The following SSR2 variants were observed in gnomAD, a reference collection of about 807,000 sequenced individuals.
SSR2 encodes signal sequence receptor subunit 2.
Under a neutral mutation model 22.6 loss-of-function variants are expected in SSR2, and 16 were observed. That is an observed-to-expected ratio of 0.71 (90% CI 0.48 to 1.08). The LOEUF is 1.08. Ranked by LOEUF, SSR2 falls within the 50% of genes least tolerant of loss-of-function variation. SSR2 has a pLI of 0.00. For synonymous variants in SSR2, 83 were observed against 91.2 expected (o/e 0.91, Z 0.51); for missense variants, 171 against 221.6 (o/e 0.77, Z 1.45).
chr1:156,019,911 TCCCAAAG>T, intron 2 of SSR2, 95 bp downstream of exon 2: 1 of 1,319,168 alleles, frequency 7.6e-7, no homozygotes, highest in South Asian at 1.5e-5. Flanking sequence ...GCTGGAAGTG[TCCCAAAG>T]AGAAACCACT....
chr1:156,017,683 C>A (rs1329630824), intron 3 of SSR2, among the ~76,000 whole-genome samples: 2 of 148,942 alleles, frequency 1.3e-5, no homozygotes, highest in Non-Finnish European at 3.0e-5. Context: ...ATACCTTTGT[C>A]CAGCCACAAA....
At chr1:156,020,309 A>C in intron 1 of SSR2, 142 bp from the exon 2 acceptor site, 9 of 791,564 alleles carry the variant, frequency 1.1e-5, no homozygotes, top group Non-Finnish European at 1.8e-5. Context: ...AAGCCACCAG[A>C]GCAGACCCGT....
rs774322271 is a variant in SSR2, at chr1:156,020,066, G to A, written c.102C>T (p.Ala34=). 4 of 1,614,036 alleles carry A rather than the reference G, an allele frequency of 2.5e-6. No homozygotes were observed. The highest frequency in any genetic ancestry group is 2.5e-6 in the Non-Finnish European group (3 of 1,180,006). The change falls in exon 2 of 6, where the codon GCC becomes GCT. Residue 34 remains alanine, a synonymous_variant. Transcript: ENST00000295702. ...GCAAGGTCAGGTCTCGTCCCTCCAC[G>A]GCGTATCTGTTCAGCAGTGATTTGG... The part of the protein sequence containing the change: ...LASKSLLNRY[A]VEGRDLTLQY...
intron 2 of SSR2, 42 bp from the exon 3 acceptor site, chr1:156,018,410 T>C (rs1231116247): frequency 6.4e-7 from 1 of 1,551,526 alleles, no homozygotes; most frequent in Admixed American, 1.7e-5. Flanking sequence ...AAGTAATGGA[T>C]ATAAAATTAA....
rs1683143383 is a variant in SSR2, at chr1:156,020,883, C to T, written c.-1+5G>A. 2.1e-6 allele frequency: 1 copy of T among 471,232 alleles called. No homozygotes were observed. The highest frequency in any genetic ancestry group is 6.9e-5 in the East Asian group (1 of 14,478). 29.2% of individuals were successfully genotyped at this position (471,232 alleles called of 1,614,324 possible). A position where few individuals can be genotyped will look rare whatever the true frequency, so the allele number is the denominator to read the frequency against. ...CGTTCGGACGCCCTAAGCCTCCGGA[C>T]TTACCGTTGGCATCCCAAACGCCTT... On this transcript the variant is annotated splice_donor_5th_base_variant and intron_variant, in intron 1 of 5. Coordinates refer to ENST00000295702, the MANE Select transcript of SSR2 (RefSeq NM_003145.4).
At chr1:156,012,081 G>A (rs1269135780) in intron 4 of SSR2, 194 bp from the exon 5 acceptor site, 1 of 508,698 alleles carries the variant, frequency 2.0e-6, no homozygotes, top group East Asian at 3.2e-5. Context: ...CTCTTAGTGT[G>A]TTATAAAGAG....
intron 3 of SSR2, 75 bp downstream of exon 3, chr1:156,018,195 G>A: frequency 9.0e-7 from 1 of 1,113,696 alleles, no homozygotes. Flanking sequence ...CAGCCTATTT[G>A]AAGTACCCCT....
At chr1:156,010,828 T>A (rs1682968328) in intron 5 of SSR2, 1 of 152,322 alleles carries the variant, frequency 6.6e-6, no homozygotes, top group Admixed American at 6.6e-5. Context: ...AATCACACCA[T>A]GCTTTTCTCA....
At position 156,020,366 on chromosome 1, in the gene SSR2, G is replaced by A. The variant is rs1217409623; in HGVS notation, c.1-199C>T. 4.1e-5 allele frequency: 23 copies of A among 565,058 alleles called. No individual in the cohort carries two copies. In the Admixed American group the frequency reaches 5.0e-4, roughly 12 times the overall value. The allele number at this position is 565,058 out of a possible 1,614,324, so 35.0% of individuals were successfully genotyped here. ...TTCACCCTGCAGCCCTCGAAAAACC[G>A]GTACAAGCACCAATATATCTACTGC... is the stretch of plus-strand genomic sequence containing the variant. On this transcript the variant is annotated intron_variant, in intron 1 of 5. Coordinates refer to ENST00000295702, the MANE Select transcript of SSR2 (RefSeq NM_003145.4).
At chr1:156,014,674 T>C (rs1392894536) in intron 4 of SSR2, 2 of 244,330 alleles carry the variant, frequency 8.2e-6, no homozygotes, top group African/African-American at 2.3e-5. Flanking sequence ...CCCAAGTAGC[T>C]GGGATTACAG....
intron 1 of SSR2, 54 bp downstream of exon 1, chr1:156,020,834 C>A (rs560338027): frequency 2.2e-6 from 1 of 460,432 alleles, no homozygotes; most frequent in African/African-American, 2.0e-5. Flanking sequence ...GGGTGATGCG[C>A]GGACACGAGG....
Position 156,014,813 on chromosome 1 carries a change from T to C in SSR2, c.363+148A>G, listed in dbSNP as rs564610165. 4 of 649,644 alleles carry C rather than the reference T, an allele frequency of 6.2e-6. No individual in the cohort carries two copies. In the African/African-American group the frequency reaches 7.2e-5, roughly 12 times the overall value. The allele number at this position is 649,644 out of a possible 1,614,324, so 40.2% of individuals were successfully genotyped here. On this transcript the variant is annotated intron_variant, in intron 4 of 5. Coordinates refer to ENST00000295702, the MANE Select transcript of SSR2 (RefSeq NM_003145.4). ...CACCTCGGCCTCCAAAAATGCTAGATTACAGGTGTGAGCCACTGCGCCCAG... is the reference window on the plus strand; with the variant it reads ...CACCTCGGCCTCCAAAAATGCTAGACTACAGGTGTGAGCCACTGCGCCCAG...
At position 156,018,360 on chromosome 1, in the gene SSR2, A is replaced by G; in HGVS notation, c.164T>C (p.Leu55Ser). 6.2e-7 allele frequency: 1 copy of G among 1,612,464 alleles called. No homozygotes were observed. The highest frequency in any genetic ancestry group is 1.7e-5 in the Admixed American group (1 of 59,934). The stretch of plus-strand genomic sequence containing the variant: ...GGAATCATCAGATAGTTCCACGTCT[A>G]ATGCAGCACTAGAAAATGGATGAAA... ...NIYNVGSSAA[L>S]DVELSDDSFP... is the part of the protein sequence containing the mutation. Residue 55 changes from leucine to serine, a missense_variant, in exon 3 of 6, where the codon TTA becomes TCA. Coordinates refer to ENST00000295702, the MANE Select transcript of SSR2 (RefSeq NM_003145.4).
intron 3 of SSR2, among the ~76,000 whole-genome samples, chr1:156,016,219 T>C (rs772950975): frequency 6.6e-6 from 1 of 152,144 alleles, no homozygotes; most frequent in African/African-American, 2.4e-5. Context: ...TATAGTCACT[T>C]AAGCTCACAG....
intron 2 of SSR2, 123 bp downstream of exon 2, chr1:156,019,890 A>G (rs1572259530): frequency 1.9e-6 from 2 of 1,077,624 alleles, no homozygotes; most frequent in East Asian, 5.1e-5. Context: ...CATTCACTCA[A>G]TATATCTGAT....
In SSR2 at chr1:156,009,487, T is replaced by A; in HGVS notation, c.*53A>T. Reference sequence around the variant, plus strand: ...TTGGAGTCTGGAAAGCACCTGGATTTCTTGGGAGAGGAGCCTGGATTTCTT... The same window carrying A: ...TTGGAGTCTGGAAAGCACCTGGATTACTTGGGAGAGGAGCCTGGATTTCTT... On this transcript the variant is annotated 3_prime_UTR_variant, in exon 6 of 6. Transcript: ENST00000295702. The A allele has an allele frequency of 7.2e-7, 1 of 1,397,430 alleles. No homozygotes were observed. 86.6% of individuals were successfully genotyped at this position (1,397,430 alleles called of 1,614,324 possible).
intron 1 of SSR2, chr1:156,020,379 A>C: frequency 1.9e-6 from 1 of 530,134 alleles, no homozygotes; most frequent in Non-Finnish European, 3.4e-6. Context: ...ACAAGCACCA[A>C]TATATCTACT....
intron 3 of SSR2, among the ~76,000 whole-genome samples, chr1:156,015,417 G>A (rs1054002598): frequency 1.4e-5 from 2 of 143,868 alleles, no homozygotes; most frequent in Middle Eastern, 3.6e-3. Context: ...TGAGGCAGGA[G>A]AACTGCTTGA....
At position 156,019,986 on chromosome 1, in the gene SSR2, A is replaced by G; in HGVS notation, c.155+27T>C. ...AACTAAGAATCCAGAAATAGGCTTA[A>G]TCTGTAACTCTAGGGCCTCGAGTTA... On this transcript the variant is annotated intron_variant, in intron 2 of 5. Transcript: ENST00000295702. 1.9e-6 allele frequency: 3 copies of G among 1,603,846 alleles called. No homozygotes were observed. The South Asian group carries it at 3.3e-5, about 18-fold the overall frequency.
Sources: allele counts gnomAD v4.1 joint callset (sites outside exome capture counted in the v4.1 genomes callset), GRCh38; gene constraint gnomAD v4.1.1; transcripts MANE v1.5; gene names NCBI Gene and HGNC (gene_info 2026-07-23, HGNC 2026-07-21).